KCNIP1: variants seen among roughly 807,000 people sequenced by gnomAD.
The protein encoded by KCNIP1 is potassium voltage-gated channel interacting protein 1, also known as A-type potassium channel modulatory protein KCNIP1.
KCNIP1 carries 18 observed loss-of-function variants against 33.0 expected under a neutral mutation model. That is an observed-to-expected ratio of 0.55 (90% CI 0.38 to 0.81). KCNIP1 has a LOEUF of 0.81. KCNIP1 is among the 30% of genes least tolerant of loss of function. KCNIP1 has a pLI of 0.00. For synonymous variants in KCNIP1, 93 were observed against 98.3 expected (o/e 0.95, Z 0.32); for missense variants, 238 against 271.6 (o/e 0.88, Z 0.87).
At chr5:170,681,344 C>A (rs1581492406) in intron 1 of KCNIP1, 1 of 381,578 alleles carries the variant, frequency 2.6e-6, no homozygotes, top group Non-Finnish European at 4.6e-6. Context: ...CCAGTCGCGC[C>A]CCAGTGCTGC....
intron 1 of KCNIP1, chr5:170,376,534 T>C (rs1481312006): frequency 6.6e-6 from 1 of 152,128 alleles, no homozygotes; most frequent in African/African-American, 2.4e-5. Flanking sequence ...CGCCCTCCAA[T>C]AGGCCTCAGT....
chr5:170,663,675 A>C (rs1761584177), intron 1 of KCNIP1, among the ~76,000 whole-genome samples: 1 of 151,970 alleles, frequency 6.6e-6, no homozygotes, highest in Non-Finnish European at 1.5e-5. Flanking sequence ...CTGGTCCCCA[A>C]ACCAGAGGCC....
chr5:170,675,107 C>T (rs1398602448), intron 1 of KCNIP1, among the ~76,000 whole-genome samples: 1 of 151,878 alleles, frequency 6.6e-6, no homozygotes, highest in Admixed American at 6.6e-5. Flanking sequence ...TCTAGACCAG[C>T]CTGGGCAATA....
intron 1 of KCNIP1, among the ~76,000 whole-genome samples, chr5:170,426,441 CT>C (rs1217390989): frequency 6.6e-6 from 1 of 152,210 alleles, no homozygotes; most frequent in African/African-American, 2.4e-5. Context: ...AGAGTTAATA[CT>C]GGGACATACT....
chr5:170,432,205 G>T (rs918471461), intron 1 of KCNIP1, among the ~76,000 whole-genome samples: 1 of 152,102 alleles, frequency 6.6e-6, no homozygotes, highest in African/African-American at 2.4e-5. Context: ...TGAGCTCCCA[G>T]CAGCCAAAGG....
At chr5:170,639,546 C>T (rs1760450329) in intron 1 of KCNIP1, 1 of 152,206 alleles carries the variant, frequency 6.6e-6, no homozygotes, top group African/African-American at 2.4e-5. Context: ...GCGCTGTTCT[C>T]CTTCATAGAA....
intron 1 of KCNIP1, among the ~76,000 whole-genome samples, chr5:170,368,505 C>T (rs896937246): frequency 4.6e-5 from 7 of 152,056 alleles, no homozygotes; most frequent in Non-Finnish European, 1.0e-4. Context: ...CCTTGTGATC[C>T]GCCCGCCTCA....
intron 1 of KCNIP1, among the ~76,000 whole-genome samples, chr5:170,367,446 AG>A (rs200704051): frequency 9.0e-5 from 13 of 143,946 alleles, no homozygotes; most frequent in African/African-American, 1.6e-4. Flanking sequence ...AAGGAAAGAA[AG>A]GAAAGAAAGA....
chr5:170,698,757 T>C (rs1172319696), intron 1 of KCNIP1, among the ~76,000 whole-genome samples: 2 of 152,210 alleles, frequency 1.3e-5, no homozygotes, highest in African/African-American at 2.4e-5. Flanking sequence ...TTGTTAGTCA[T>C]TGTTTAATCT....
At chr5:170,390,513 A>ATATATATATATATATATATATATATAT (rs1554088932) in intron 1 of KCNIP1, among the ~76,000 whole-genome samples, 2 of 28,852 alleles carry the variant, frequency 6.9e-5, no homozygotes, top group African/African-American at 2.9e-4. Flanking sequence ...AAAAAAAAAA[A>ATATATATATATATATATATATATATAT]ACAAATATAT....
Position 170,589,713 on chromosome 5 carries a change from GTGTGGTGTGA to G in KCNIP1, c.61+85090_61+85099del, listed in dbSNP as rs796754585. On this transcript the variant is annotated intron_variant, in intron 1 of 7. Coordinates refer to ENST00000328939, the MANE Select transcript of KCNIP1 (RefSeq NM_014592.4). ...GCTTAAATTGTTTCTGTTTGGTTTG[GTGTGGTGTGA>G]TGTGGTGTGGTGTGGTGTGGTGTGG... Among the ~76,000 whole-genome samples, 337 of 138,044 alleles carry G rather than the reference GTGTGGTGTGA, an allele frequency of 2.4e-3. 1 individual carries two copies. Among genetic ancestry groups the G allele is most frequent in the African/African-American group, 7.9e-3 (281 of 35,380 alleles). 90.6% of individuals were successfully genotyped at this position (138,044 alleles called of 152,430 possible).
At chr5:170,469,993 C>T (rs1036530596) in intron 1 of KCNIP1, among the ~76,000 whole-genome samples, 1 of 152,114 alleles carries the variant, frequency 6.6e-6, no homozygotes, top group Non-Finnish European at 1.5e-5. Context: ...CCCAGAATGC[C>T]GTTATTCTTG....
intron 1 of KCNIP1, among the ~76,000 whole-genome samples, chr5:170,598,727 G>A (rs147299406): frequency 3.9e-5 from 6 of 152,164 alleles, no homozygotes; most frequent in Non-Finnish European, 7.4e-5. Flanking sequence ...GCCCTCTCGA[G>A]AACAGGGATT....
intron 1 of KCNIP1, among the ~76,000 whole-genome samples, chr5:170,634,501 C>T (rs184524652): frequency 6.6e-6 from 1 of 152,306 alleles, no homozygotes; most frequent in East Asian, 1.9e-4. Flanking sequence ...AAGTAGGCAA[C>T]TGGATGTTTG....
chr5:170,446,414 CAA>C (rs11341637), intron 1 of KCNIP1, among the ~76,000 whole-genome samples: 43,263 of 148,462 alleles, frequency 0.29, 6,525 homozygotes, highest in South Asian at 0.5. Flanking sequence ...ACCTTGCTGA[CAA>C]AAAAAAAAAA....
chr5:170,591,023 G>C (rs988644184), intron 1 of KCNIP1, among the ~76,000 whole-genome samples: 3 of 152,222 alleles, frequency 2.0e-5, no homozygotes, highest in African/African-American at 7.2e-5. Flanking sequence ...CCCTTGGAAG[G>C]AGAAGAGAAC....
At chr5:170,525,643 C>A (rs1169039474) in intron 1 of KCNIP1, among the ~76,000 whole-genome samples, 1 of 152,226 alleles carries the variant, frequency 6.6e-6, no homozygotes, top group Admixed American at 6.5e-5. Flanking sequence ...CTGACTCAGA[C>A]TGCAGTGTTG....
intron 1 of KCNIP1, among the ~76,000 whole-genome samples, chr5:170,604,267 C>T (rs1257147294): frequency 1.3e-5 from 2 of 152,134 alleles, no homozygotes; most frequent in Non-Finnish European, 2.9e-5. Context: ...TGAAACCCAG[C>T]TGAAATGGAC....
At chr5:170,644,999 C>A (rs1760729282) in intron 1 of KCNIP1, among the ~76,000 whole-genome samples, 1 of 152,178 alleles carries the variant, frequency 6.6e-6, no homozygotes, top group Admixed American at 6.5e-5. Flanking sequence ...TTATGTGTGA[C>A]CTAAGGCTTC....
Sources: gnomAD v4.1 joint callset for allele counts (sites outside exome capture counted in the v4.1 genomes callset) on GRCh38, gnomAD v4.1.1 for gene constraint, MANE v1.5 for transcripts, NCBI Gene and HGNC (gene_info 2026-07-23, HGNC 2026-07-21) for gene names.